CNTNAP2: variants seen among roughly 807,000 people sequenced by gnomAD.
CNTNAP2 encodes the protein contactin-associated protein-like 2.
Under a neutral mutation model 155.2 loss-of-function variants are expected in CNTNAP2, and 98 were observed. That is an observed-to-expected ratio of 0.63 (90% confidence interval 0.54 to 0.75). The LOEUF (loss-of-function observed/expected upper bound fraction) is 0.75. Ranked by LOEUF, CNTNAP2 falls within the 30% of genes least tolerant of loss-of-function variation. The pLI, the probability that CNTNAP2 is intolerant of heterozygous loss-of-function variation, is 0.00. For missense variants in CNTNAP2, 1,727 were observed against 1,688.1 expected (o/e 1.02, Z -0.40); for synonymous variants, 651 against 631.2 (o/e 1.03, Z -0.47).
At chr7:146,310,071 C>T (rs563248871) in intron 1 of CNTNAP2, among the ~76,000 whole-genome samples, 1 of 152,220 alleles carries the variant, frequency 6.6e-6, no homozygotes, top group East Asian at 1.9e-4. Context: ...GACAGTACTA[C>T]ATAGTGTGTC....
chr7:147,427,985 A>T (rs962558726), intron 10 of CNTNAP2, among the ~76,000 whole-genome samples: 2 of 152,216 alleles, frequency 1.3e-5, no homozygotes, highest in Admixed American at 1.3e-4. Flanking sequence ...TTTAGGTTTC[A>T]GTTAAATTAA....
intron 21 of CNTNAP2, among the ~76,000 whole-genome samples, chr7:148,303,958 C>G (rs1305150783): frequency 1.3e-5 from 2 of 152,156 alleles, no homozygotes; most frequent in East Asian, 3.8e-4. Context: ...TTTGAGATTA[C>G]TTTTGGTTAA....
In CNTNAP2 at chr7:146,676,448, CT is replaced by C. The variant is rs35178328; in HGVS notation, c.98-97815del. Reference sequence around the variant, plus strand: ...TGTGGCAGCTACAAGTGTTTGTGTTCTTTTTTTTAATAATTTCAACTTTCAT... The same window carrying C: ...TGTGGCAGCTACAAGTGTTTGTGTTCTTTTTTTAATAATTTCAACTTTCAT... On this transcript the variant is annotated intron_variant, in intron 1 of 23. Coordinates refer to ENST00000361727, the MANE Select transcript of CNTNAP2 (RefSeq NM_014141.6). Among the ~76,000 whole-genome samples the C allele has an allele frequency of 6.0e-5, 9 of 150,484 alleles. No homozygotes were observed. In the East Asian group the frequency reaches 1.8e-3, roughly 30 times the overall value.
At position 148,305,829 on chromosome 7, in the gene CNTNAP2, C is replaced by CG. The variant is rs895999494; in HGVS notation, c.3475+38710dup. Among the ~76,000 whole-genome samples, 9 of 152,070 alleles carry CG rather than the reference C, an allele frequency of 5.9e-5. No homozygotes were observed. The South Asian group carries it at 6.3e-4, about 11-fold the overall frequency. On this transcript the variant is annotated intron_variant, in intron 21 of 23. Transcript: ENST00000361727. Reference sequence around the variant, plus strand: ...GGATTACAATTCAAGGTGAGATTTGCGGGGGGGACACAGAGCCAAGCCGTA... The same window carrying CG: ...GGATTACAATTCAAGGTGAGATTTGCGGGGGGGGACACAGAGCCAAGCCGTA...
intron 15 of CNTNAP2, among the ~76,000 whole-genome samples, chr7:148,018,510 A>C (rs916344117): frequency 3.3e-5 from 5 of 152,262 alleles, no homozygotes; most frequent in Non-Finnish European, 7.3e-5. Flanking sequence ...ACAATGAACC[A>C]GAAGTGTATG....
chr7:147,683,143 T>G (rs1324360334), intron 13 of CNTNAP2, among the ~76,000 whole-genome samples: 7 of 151,904 alleles, frequency 4.6e-5, no homozygotes, highest in Non-Finnish European at 1.0e-4. Flanking sequence ...TATATAACAT[T>G]TACTAATATG....
At chr7:147,663,703 G>A (rs1245203042) in intron 13 of CNTNAP2, among the ~76,000 whole-genome samples, 2 of 152,186 alleles carry the variant, frequency 1.3e-5, no homozygotes, top group Admixed American at 6.5e-5. Context: ...TACAAATGCA[G>A]TTTAGCTTTT....
At chr7:148,336,369 C>G (rs1798114797) in intron 21 of CNTNAP2, among the ~76,000 whole-genome samples, 2 of 151,536 alleles carry the variant, frequency 1.3e-5, no homozygotes, top group South Asian at 4.2e-4. Context: ...AGGAGGAAGG[C>G]TGAAAATATA....
At chr7:146,132,444 T>A (rs1797729004) in intron 1 of CNTNAP2, among the ~76,000 whole-genome samples, 1 of 152,144 alleles carries the variant, frequency 6.6e-6, no homozygotes, top group African/African-American at 2.4e-5. Flanking sequence ...CTTTAAGTTT[T>A]AGGGTACATG....
At chr7:146,231,729 C>G (rs1799388716) in intron 1 of CNTNAP2, among the ~76,000 whole-genome samples, 1 of 152,158 alleles carries the variant, frequency 6.6e-6, no homozygotes, top group Non-Finnish European at 1.5e-5. Context: ...TATAATTGCT[C>G]TGATGAAGTG....
In CNTNAP2 at chr7:146,744,227, CAAAA is replaced by C. The variant is rs60606492; in HGVS notation, c.98-30023_98-30020del. On this transcript the variant is annotated intron_variant, in intron 1 of 23. Transcript: ENST00000361727. Reference sequence around the variant, plus strand: ...TGGGTGACAAAGTGACACTCTGTCTCAAAAAAAAAAAAAAAAAAAAAAAAGCATT... The same window carrying C: ...TGGGTGACAAAGTGACACTCTGTCTCAAAAAAAAAAAAAAAAAAAAGCATT... Among the ~76,000 whole-genome samples the C allele has an allele frequency of 7.3e-3, 352 of 48,126 alleles. 1 individual carries two copies. Among genetic ancestry groups the C allele is most frequent in the African/African-American group, 0.022 (313 of 14,112 alleles). 31.6% of individuals were successfully genotyped at this position (48,126 alleles called of 152,430 possible).
At chr7:146,967,282 C>G (rs961714940) in intron 3 of CNTNAP2, among the ~76,000 whole-genome samples, 1 of 151,960 alleles carries the variant, frequency 6.6e-6, no homozygotes, top group Non-Finnish European at 1.5e-5. Flanking sequence ...TGCATGTAAC[C>G]TATATATTTC....
At chr7:147,654,902 C>T (rs1795503184) in intron 13 of CNTNAP2, among the ~76,000 whole-genome samples, 1 of 146,982 alleles carries the variant, frequency 6.8e-6, no homozygotes, top group East Asian at 2.0e-4. Flanking sequence ...CTGCAACCTC[C>T]ACCTCCCAGG....
chr7:146,773,693 C>T (rs867955456), intron 1 of CNTNAP2, among the ~76,000 whole-genome samples: 1 of 152,238 alleles, frequency 6.6e-6, no homozygotes, highest in Non-Finnish European at 1.5e-5. Context: ...CACTCCCAGC[C>T]TCTTTTTTCT....
At chr7:146,309,960 G>C (rs556933983) in intron 1 of CNTNAP2, among the ~76,000 whole-genome samples, 73 of 152,248 alleles carry the variant, frequency 4.8e-4, no homozygotes, top group African/African-American at 1.7e-3. Flanking sequence ...AAAGTCCTTT[G>C]CTGCTATCAA....
intron 3 of CNTNAP2, among the ~76,000 whole-genome samples, chr7:146,939,392 T>A (rs1465519062): frequency 1.3e-5 from 2 of 152,240 alleles, no homozygotes; most frequent in Admixed American, 1.3e-4. Flanking sequence ...AATTCAAAAT[T>A]GCCTCTCATC....
intron 13 of CNTNAP2, among the ~76,000 whole-genome samples, chr7:147,840,810 A>G (rs1029410335): frequency 1.3e-5 from 2 of 151,852 alleles, no homozygotes; most frequent in Non-Finnish European, 2.9e-5. Context: ...CTAGAATGGG[A>G]TCTAGATTCT....
chr7:147,442,101 T>C (rs1380406975), intron 10 of CNTNAP2, among the ~76,000 whole-genome samples: 2 of 152,206 alleles, frequency 1.3e-5, no homozygotes, highest in East Asian at 3.9e-4. Flanking sequence ...GGTTGCAAGT[T>C]CCCCTAGGCC....
At chr7:148,014,092 T>G (rs574265401) in intron 15 of CNTNAP2, 1 of 151,964 alleles carries the variant, frequency 6.6e-6, no homozygotes, top group Admixed American at 6.5e-5. Flanking sequence ...GATATTGGAG[T>G]CCTCATTTGG....
Sources: allele counts gnomAD v4.1 joint callset (sites outside exome capture counted in the v4.1 genomes callset), GRCh38; gene constraint gnomAD v4.1.1; transcripts MANE v1.5; gene names NCBI Gene and HGNC (gene_info 2026-07-23, HGNC 2026-07-21).